The following GALNT9 variants were observed in gnomAD, a reference collection of about 807,000 sequenced individuals.
GALNT9 encodes the protein GalNAc transferase 9.
In GALNT9, 47 loss-of-function variants were observed where a neutral mutation model predicts 63.1. The ratio of observed to expected loss-of-function variants is 0.75; its 90% CI spans 0.59 to 0.95. The LOEUF (loss-of-function observed/expected upper bound fraction) is 0.95, where lower values mean the gene tolerates loss of function less well. GALNT9 is among the 40% of genes least tolerant of loss of function. The probability of loss-of-function intolerance (pLI) is 0.00; values close to 1 mark genes in which losing one functional copy is unlikely to be tolerated. For synonymous variants in GALNT9, 396 were observed against 365.7 expected, an observed-to-expected ratio of 1.08 and a Z score of -0.94; for missense variants, 829 against 874.8, an observed-to-expected ratio of 0.95 and a Z score of 0.66.
At chr12:132,261,949 G>A (rs1037142864) in intron 3 of GALNT9, among the ~76,000 whole-genome samples, 1 of 152,200 alleles carries the variant, frequency 6.6e-6, no homozygotes, top group African/African-American at 2.4e-5. Flanking sequence ...CTCCAGCTGC[G>A]AGCTCTGTCC....
intron 1 of GALNT9, among the ~76,000 whole-genome samples, chr12:132,325,455 G>A (rs1223796270): frequency 6.6e-6 from 1 of 152,174 alleles, no homozygotes; most frequent in African/African-American, 2.4e-5. Context: ...CCTGAGGCTG[G>A]AGGAAGCCTG....
At chr12:132,260,024 G>A (rs550793962) in intron 4 of GALNT9, among the ~76,000 whole-genome samples, 54 of 73,264 alleles carry the variant, frequency 7.4e-4, no homozygotes, top group Admixed American at 3.5e-3. Context: ...CATTGTGGGC[G>A]CGGGGCCTGC....
chr12:132,209,557 C>CA (rs1020243337), intron 6 of GALNT9, among the ~76,000 whole-genome samples: 2 of 151,948 alleles, frequency 1.3e-5, no homozygotes, highest in Non-Finnish European at 2.9e-5. Flanking sequence ...CTCAAACAAA[C>CA]AAACAGGTTC....
intron 6 of GALNT9, among the ~76,000 whole-genome samples, chr12:132,211,868 C>T (rs193136119): frequency 1.5e-3 from 223 of 152,346 alleles, no homozygotes; most frequent in African/African-American, 5.1e-3. Context: ...CACACTGCAC[C>T]CCTGCCCTGC....
intron 8 of GALNT9, chr12:132,200,909 G>A (rs1024516702): frequency 1.4e-5 from 8 of 564,912 alleles, no homozygotes; most frequent in Non-Finnish European, 2.2e-5. Context: ...CCTGCACCTT[G>A]TGTGTGCACG....
intron 1 of GALNT9, among the ~76,000 whole-genome samples, chr12:132,303,382 G>GGGGCACACCCTCGCCC (rs1566018937): frequency 1.9e-5 from 2 of 107,912 alleles, no homozygotes; most frequent in Admixed American, 9.8e-5. Context: ...CACCCTCTCC[G>GGGGCACACCCTCGCCC]GGGCACAGCC....
intron 1 of GALNT9, among the ~76,000 whole-genome samples, chr12:132,290,528 T>G (rs1217585001): frequency 2.6e-5 from 4 of 151,878 alleles, no homozygotes; most frequent in Admixed American, 2.0e-4. Context: ...CACAAGCTCA[T>G]GTCCACAGCA....
intron 1 of GALNT9, among the ~76,000 whole-genome samples, chr12:132,303,790 C>G (rs868931996): frequency 0.041 from 2,280 of 55,428 alleles, 142 homozygotes; most frequent in East Asian, 0.084. Flanking sequence ...CCCGGGCACA[C>G]CCTCACCCAG....
chr12:132,197,699 C>T (rs967533168), intron 10 of GALNT9, 93 bp downstream of exon 10: 9 of 980,556 alleles, frequency 9.2e-6, no homozygotes, highest in South Asian at 4.7e-5. Context: ...CCAGCTCCCA[C>T]CCAATGGGCT....
Position 132,315,808 on chromosome 12 carries a change from CG to C in GALNT9, c.238+13157del, listed in dbSNP as rs1868483511. ...AGCCACCCACTCATACTCCCCACCGCGTCACACAGGGTGTGAGTGACACGGC... is the reference window on the plus strand; with the variant it reads ...AGCCACCCACTCATACTCCCCACCGCTCACACAGGGTGTGAGTGACACGGC... On this transcript the variant is annotated intron_variant, in intron 1 of 10. Transcript: ENST00000328957. The surrounding 1 kb of genome is among the most constrained non-coding windows in gnomAD (Gnocchi z 6.1). Among the ~76,000 whole-genome samples, 1 of 152,176 alleles carries C rather than the reference CG, an allele frequency of 6.6e-6. No individual in the cohort carries two copies. The highest frequency in any genetic ancestry group is 1.5e-5 in the Non-Finnish European group (1 of 68,026).
rs1201041157 is a variant in GALNT9, at chr12:132,199,182, A to G, written c.1489T>C (p.Ser497Pro). 5.0e-6 allele frequency: 8 copies of G among 1,597,112 alleles called. No individual in the cohort carries two copies. Among genetic ancestry groups the G allele is most frequent in the Non-Finnish European group, 6.0e-6 (7 of 1,173,830 alleles). The change falls in exon 9 of 11, where the codon TCC (serine) becomes CCC (proline). Residue 497 changes from serine (S) to proline (P), a missense_variant. Physicochemically the swap from Ser to Pro is moderately conservative, Grantham distance 74. Coordinates refer to ENST00000328957, the MANE Select transcript of GALNT9 (RefSeq NM_001122636.2). The stretch of plus-strand genomic sequence containing the variant: ...GCCGCTGCTACTCCTACCTGGGAGG[A>G]CATCCCGTGGCAGGGGTAGAGGATC... The part of the protein sequence containing the change: ...RAILYPCHGM[S>P]SQLVRYSADG...
intron 7 of GALNT9, 82 bp from the exon 8 acceptor site, chr12:132,201,343 A>G (rs1876087118): frequency 7.5e-6 from 7 of 932,830 alleles, no homozygotes; most frequent in Non-Finnish European, 1.2e-5. Flanking sequence ...GGGGGTCTCC[A>G]GGGACCAAGT....
intron 1 of GALNT9, among the ~76,000 whole-genome samples, chr12:132,304,020 C>T (rs1555244211): frequency 2.5e-5 from 1 of 39,268 alleles, no homozygotes; most frequent in African/African-American, 1.0e-4. Flanking sequence ...CACACCCTCT[C>T]CGGGGCACAC....
At chr12:132,311,039 T>C (rs1460867076) in intron 1 of GALNT9, among the ~76,000 whole-genome samples, 1 of 152,164 alleles carries the variant, frequency 6.6e-6, no homozygotes, top group Admixed American at 6.5e-5. Context: ...CAGACCAACC[T>C]GCCTCCCGCT....
At chr12:132,314,283 A>G (rs947781946) in intron 1 of GALNT9, among the ~76,000 whole-genome samples, 3 of 151,352 alleles carry the variant, frequency 2.0e-5, no homozygotes, top group South Asian at 2.1e-4. Flanking sequence ...AGCACATACT[A>G]TACATCAGGC....
chr12:132,276,080 G>T (rs1880075410), intron 2 of GALNT9, among the ~76,000 whole-genome samples: 1 of 152,258 alleles, frequency 6.6e-6, no homozygotes, highest in Admixed American at 6.5e-5. Context: ...CAGCTTTCCG[G>T]TTGGCTTCCA....
At chr12:132,235,172 G>A (rs1012761765) in intron 6 of GALNT9, among the ~76,000 whole-genome samples, 3,915 of 137,662 alleles carry the variant, frequency 0.028, 131 homozygotes, top group Middle Eastern at 0.065. Flanking sequence ...CAGGGACAGC[G>A]TGGAGCCCCT....
intron 1 of GALNT9, among the ~76,000 whole-genome samples, chr12:132,290,332 C>T (rs535360653): frequency 7.9e-5 from 12 of 152,294 alleles, no homozygotes; most frequent in Admixed American, 2.6e-4. Flanking sequence ...GGCCAAGCCA[C>T]GGACCCTCAG....
At chr12:132,288,511 C>T (rs1194267975) in intron 1 of GALNT9, among the ~76,000 whole-genome samples, 2 of 152,268 alleles carry the variant, frequency 1.3e-5, no homozygotes, top group African/African-American at 4.8e-5. Context: ...ACAGCAGCTT[C>T]TAACTCGAGA....
Sources: gnomAD v4.1 joint callset for allele counts (sites outside exome capture counted in the v4.1 genomes callset) on GRCh38, gnomAD v4.1.1 for gene constraint, Gnocchi (gnomAD v3.1) non-coding constraint, MANE v1.5 for transcripts, NCBI Gene and HGNC (gene_info 2026-07-23, HGNC 2026-07-21) for gene names.